PHEX: variants seen among roughly 807,000 people sequenced by gnomAD.
PHEX encodes phosphate regulating endopeptidase X-linked.
In PHEX, 16 loss-of-function variants were observed where a neutral mutation model predicts 68.0. That is an observed-to-expected ratio of 0.24 (90% confidence interval 0.16 to 0.36). The LOEUF (loss-of-function observed/expected upper bound fraction) is 0.36. PHEX is among the 10% of genes least tolerant of loss of function. The pLI, the probability that PHEX is intolerant of heterozygous loss-of-function variation, is 1.00. For missense variants in PHEX, 480 were observed against 575.5 expected, an observed-to-expected ratio of 0.83 and a Z score of 1.70; for synonymous variants, 208 against 205.1, an observed-to-expected ratio of 1.01 and a Z score of -0.12.
chrX:22,080,259 C>T (rs902307208), intron 5 of PHEX, among the ~76,000 whole-genome samples: 1 of 112,008 alleles, frequency 8.9e-6, no homozygotes, highest in East Asian at 2.8e-4. Flanking sequence ...TGTAAGGAGG[C>T]ACCCATGTAC....
chrX:22,240,694 C>T (rs182594389), intron 20 of PHEX, among the ~76,000 whole-genome samples: 1 of 111,971 alleles, frequency 8.9e-6, no homozygotes, highest in Admixed American at 9.4e-5. Flanking sequence ...GGGGTCAATG[C>T]AGCATGAAGA....
chrX:22,101,010 TA>T (rs947851558), intron 9 of PHEX, among the ~76,000 whole-genome samples: 1 of 109,139 alleles, frequency 9.2e-6, no homozygotes, highest in African/African-American at 3.3e-5. Flanking sequence ...CGTCTCTACT[TA>T]AAAAAAATAC....
At position 22,165,514 on chromosome X, in the gene PHEX, GC is replaced by G. The variant is rs1315368833; in HGVS notation, c.1405-2797del. ...TGGAGGCAGAGGCGGAGGCGGAGGT[GC>G]AGGTGCAGGAAAAGTGGGTAGAAGG... On this transcript the variant is annotated intron_variant, in intron 12 of 21. Coordinates refer to ENST00000379374, the MANE Select transcript of PHEX (RefSeq NM_000444.6). Among the ~76,000 whole-genome samples, 3 of 111,392 alleles carry G rather than the reference GC, an allele frequency of 2.7e-5. No homozygotes were observed. The Admixed American group carries it at 2.9e-4, about 11-fold the overall frequency.
chrX:22,233,112 A>C (rs1372490596), intron 20 of PHEX, among the ~76,000 whole-genome samples: 1 of 111,166 alleles, frequency 9.0e-6, no homozygotes, highest in East Asian at 2.8e-4. Context: ...CTTTTCTTTG[A>C]GATTGTTGAA....
intron 14 of PHEX, among the ~76,000 whole-genome samples, chrX:22,189,651 G>T (rs1257324763): frequency 5.4e-5 from 6 of 111,841 alleles, no homozygotes; most frequent in Admixed American, 2.8e-4. Flanking sequence ...TGGACAGTTT[G>T]CTCTTAAGTA....
chrX:22,126,411 T>C (rs966575466), intron 11 of PHEX, among the ~76,000 whole-genome samples: 1 of 111,857 alleles, frequency 8.9e-6, no homozygotes, highest in Non-Finnish European at 1.9e-5. Context: ...TTCTTTATTA[T>C]CAGGGACAAA....
intron 5 of PHEX, among the ~76,000 whole-genome samples, chrX:22,082,400 C>A (rs1172365595): frequency 8.9e-6 from 1 of 112,303 alleles, no homozygotes; most frequent in African/African-American, 3.2e-5. Context: ...AATAACCATT[C>A]TGACTGGTGT....
chrX:22,199,934 T>C (rs1441425381), intron 15 of PHEX, among the ~76,000 whole-genome samples: 1 of 111,835 alleles, frequency 8.9e-6, no homozygotes, highest in Admixed American at 9.5e-5. Flanking sequence ...CCAGGGGTCT[T>C]GGAACATATC....
At chrX:22,225,342 A>AT (rs1037862794) in intron 18 of PHEX, among the ~76,000 whole-genome samples, 1 of 111,288 alleles carries the variant, frequency 9.0e-6, no homozygotes, top group African/African-American at 3.3e-5. Context: ...TTCCAGCTTC[A>AT]TTTTGTGGGG....
At chrX:22,154,221 G>A (rs1932905272) in intron 12 of PHEX, among the ~76,000 whole-genome samples, 2 of 111,898 alleles carry the variant, frequency 1.8e-5, no homozygotes, top group South Asian at 3.7e-4. Context: ...AGGTGGTAGA[G>A]TTTTCTACAT....
At chrX:22,081,961 A>G (rs946825058) in intron 5 of PHEX, among the ~76,000 whole-genome samples, 1 of 111,994 alleles carries the variant, frequency 8.9e-6, no homozygotes, top group Non-Finnish European at 1.9e-5. Context: ...TAATGAAGAC[A>G]ACAACTTAAA....
intron 14 of PHEX, among the ~76,000 whole-genome samples, chrX:22,184,743 C>T (rs760477264): frequency 1.8e-5 from 2 of 111,656 alleles, no homozygotes; most frequent in African/African-American, 6.5e-5. Context: ...TATTTTAGCC[C>T]GCCTCACTTT....
chrX:22,145,615 CAAA>C (rs568646535), intron 12 of PHEX, among the ~76,000 whole-genome samples: 8 of 64,539 alleles, frequency 1.2e-4, no homozygotes, highest in Admixed American at 1.9e-4. Context: ...GACTCTGTCT[CAAA>C]AAAAAAAAAA....
chrX:22,037,151 A>C (rs1418281984), intron 1 of PHEX, among the ~76,000 whole-genome samples: 1 of 109,952 alleles, frequency 9.1e-6, no homozygotes, highest in Non-Finnish European at 1.9e-5. Context: ...GTTTTCTTGA[A>C]TCTCTAATGT....
chrX:22,128,220 G>A (rs1469665842), intron 11 of PHEX, among the ~76,000 whole-genome samples: 1 of 108,087 alleles, frequency 9.3e-6, no homozygotes, highest in Non-Finnish European at 1.9e-5. Flanking sequence ...CACCACACCT[G>A]GCTAATTTCT....
Position 22,249,531 on chromosome X carries a change from G to A in PHEX, c.*1578G>A, listed in dbSNP as rs1343482799. The A allele has an allele frequency of 1.1e-5, 1 of 92,969 alleles. No individual in the cohort carries two copies. The highest frequency in any genetic ancestry group is 4.3e-5 in the African/African-American group (1 of 23,191). The allele number at this position is 92,969 out of a possible 1,213,427, so 7.7% of individuals were successfully genotyped here. On this transcript the variant is annotated 3_prime_UTR_variant, in exon 22 of 22. Transcript: ENST00000379374. ...GTGCCATGTCCTTTTGTAGCCATGG[G>A]AACGTTTGAATGGAGAAAAATGGAG...
intron 17 of PHEX, 150 bp downstream of exon 17, chrX:22,219,253 G>A (rs1935190773): frequency 2.1e-6 from 1 of 468,644 alleles, no homozygotes; most frequent in South Asian, 3.3e-5. Context: ...ACTTTTCACC[G>A]TGTCTTGCTG....
At chrX:22,049,314 A>C (rs769728987) in intron 3 of PHEX, among the ~76,000 whole-genome samples, 43 of 108,972 alleles carry the variant, frequency 3.9e-4, no homozygotes, top group African/African-American at 1.3e-3. Context: ...GGGTTTCACC[A>C]TGTTGGTCAG....
At chrX:22,185,680 C>A (rs1934006068) in intron 14 of PHEX, among the ~76,000 whole-genome samples, 1 of 109,677 alleles carries the variant, frequency 9.1e-6, no homozygotes, top group African/African-American at 3.4e-5. Context: ...ATTTAGAGTA[C>A]TGAAACAACA....
Sources: allele counts gnomAD v4.1 joint callset (sites outside exome capture counted in the v4.1 genomes callset), GRCh38; gene constraint gnomAD v4.1.1; transcripts MANE v1.5; gene names NCBI Gene and HGNC (gene_info 2026-07-23, HGNC 2026-07-21).